The following TBCD variants were observed in gnomAD, a reference collection of about 807,000 sequenced individuals.
The protein encoded by TBCD is tubulin folding cofactor D.
Under a neutral mutation model 169.3 loss-of-function variants are expected in TBCD, and 105 were observed. The observed-to-expected ratio is 0.62, with a 90% confidence interval of 0.53 to 0.73. The LOEUF is 0.73. TBCD is among the 30% of genes least tolerant of loss of function. The pLI is 0.00. For synonymous variants in TBCD, 700 were observed against 643.9 expected (o/e 1.09, Z -1.32); for missense variants, 1,444 against 1,600.1 (o/e 0.90, Z 1.66).
At chr17:82,804,316 A>T (rs1236149677) in intron 9 of TBCD, among the ~76,000 whole-genome samples, 2 of 152,136 alleles carry the variant, frequency 1.3e-5, no homozygotes, top group Non-Finnish European at 2.9e-5. Context: ...CAGCTTAAAC[A>T]GTGCACTTTT....
chr17:82,888,845 C>T (rs2058936496), intron 15 of TBCD, among the ~76,000 whole-genome samples: 1 of 152,234 alleles, frequency 6.6e-6, no homozygotes, highest in African/African-American at 2.4e-5. Flanking sequence ...GGAGGTCGCT[C>T]CTCCAGAGCG....
chr17:82,851,749 GA>G (rs2055808511), intron 13 of TBCD, among the ~76,000 whole-genome samples: 1 of 152,236 alleles, frequency 6.6e-6, no homozygotes, highest in South Asian at 2.1e-4. Flanking sequence ...CCGACGGGCA[GA>G]AAGCAGGAGC....
In TBCD at chr17:82,893,533, C is replaced by T. The variant is rs1567975133; in HGVS notation, c.1564-14C>T. ...CAAATTCTTCTTTTTCCCCCATTTC[C>T]ACTTTCTTATTAGGGCACTTTCCCT... On this transcript the variant is annotated splice_polypyrimidine_tract_variant and intron_variant, in intron 16 of 38. Coordinates refer to ENST00000355528, the MANE Select transcript of TBCD (RefSeq NM_005993.5). 1 of 1,590,442 alleles carries T rather than the reference C, an allele frequency of 6.3e-7. No homozygotes were observed. Among genetic ancestry groups the T allele is most frequent in the Non-Finnish European group, 8.6e-7 (1 of 1,167,392 alleles).
chr17:82,845,221 G>C (rs915294386), intron 13 of TBCD, among the ~76,000 whole-genome samples: 1 of 152,204 alleles, frequency 6.6e-6, no homozygotes, highest in African/African-American at 2.4e-5. Flanking sequence ...GACATGGCCG[G>C]CTCGGCCCCT....
chr17:82,932,530 G>T, intron 33 of TBCD, 128 bp from the exon 34 acceptor site: 3 of 752,654 alleles, frequency 4.0e-6, no homozygotes, highest in Non-Finnish European at 2.3e-6. Context: ...CTGAAGCTTT[G>T]CGTTTCCACG....
chr17:82,779,103 C>T lies in TBCD; in HGVS notation c.639-2486C>T, dbSNP rs563490780. Among the ~76,000 whole-genome samples, 3 of 150,478 alleles carry T rather than the reference C, an allele frequency of 2.0e-5. No individual in the cohort carries two copies. In the South Asian group the frequency reaches 6.3e-4, roughly 32 times the overall value. On this transcript the variant is annotated intron_variant, in intron 6 of 38. Coordinates refer to ENST00000355528, the MANE Select transcript of TBCD (RefSeq NM_005993.5). The stretch of plus-strand genomic sequence containing the variant: ...CTCGGCTCACTGCAACCTCCGCCTC[C>T]TGAGTTCAAGTGATTCTCATGCCTC...
At chr17:82,793,516 G>T (rs564726421) in intron 7 of TBCD, among the ~76,000 whole-genome samples, 1 of 152,294 alleles carries the variant, frequency 6.6e-6, no homozygotes, top group African/African-American at 2.4e-5. Context: ...TTCTTTTCCT[G>T]CCCTGCTGCT....
chr17:82,842,280 CCTT>C (rs140330496), intron 13 of TBCD, among the ~76,000 whole-genome samples: 4,098 of 152,322 alleles, frequency 0.027, 202 homozygotes, highest in African/African-American at 0.092. Context: ...CCCTGGTCCT[CCTT>C]GGGAGCTGAG....
At position 82,814,845 on chromosome 17, in the gene TBCD, A is replaced by G. The variant is rs776938405; in HGVS notation, c.1229A>G (p.Gln410Arg). The G allele has an allele frequency of 6.2e-7, 1 of 1,613,836 alleles. No individual in the cohort carries two copies. The highest frequency in any genetic ancestry group is 8.5e-7 in the Non-Finnish European group (1 of 1,179,840). The stretch of plus-strand genomic sequence containing the variant: ...AGGATCTTTGTTGCTCTCAGTTTCC[A>G]GGAGACTGACAAGGCGTGGCATGGG... ...VGSVLDCFSF[Q>R]ETDKAWHGGC... is the part of the protein sequence containing the mutation. The change falls in exon 13 of 39, where the codon CAG becomes CGG. Residue 410 changes from glutamine to arginine, a missense_variant. Physicochemically the swap from Gln to Arg is conservative, Grantham distance 43 (BLOSUM62 1). Transcript: ENST00000355528.
chr17:82,898,207 C>T (rs55704803), intron 17 of TBCD, among the ~76,000 whole-genome samples: 2 of 138,246 alleles, frequency 1.4e-5, no homozygotes, highest in African/African-American at 2.8e-5. Flanking sequence ...TGGGAGCACA[C>T]GGCACGGCTC....
chr17:82,870,050 C>T (rs1189981922), intron 13 of TBCD, among the ~76,000 whole-genome samples, 174 bp from the exon 14 acceptor site: 1 of 152,188 alleles, frequency 6.6e-6, no homozygotes, highest in Non-Finnish European at 1.5e-5. Context: ...TGTTTTCTGA[C>T]CAGGCCGTGG....
chr17:82,940,966 A>G (rs1405735151), intron 37 of TBCD, among the ~76,000 whole-genome samples: 1 of 152,246 alleles, frequency 6.6e-6, no homozygotes, highest in Non-Finnish European at 1.5e-5. Flanking sequence ...GTTAAAAAAA[A>G]AAATCCTTAG....
chr17:82,938,594 G>C (rs2062831003), intron 36 of TBCD, among the ~76,000 whole-genome samples: 1 of 152,234 alleles, frequency 6.6e-6, no homozygotes, highest in Non-Finnish European at 1.5e-5. Flanking sequence ...TCTCGAAGTG[G>C]GGTGCCGGAC....
chr17:82,830,235 C>T (rs267605100), intron 13 of TBCD: 1 of 1,614,210 alleles, frequency 6.2e-7, no homozygotes, highest in Non-Finnish European at 8.5e-7. Context: ...TTCCAGCATC[C>T]CTTAGACTTG....
In TBCD at chr17:82,835,991, C is replaced by G. The variant is rs376589158; in HGVS notation, c.1318+21057C>G. ...GGGCTCAGACCCCGCGCTCAGCACC[C>G]GTCTCCCACCGTGGGCTGCCACAGA... On this transcript the variant is annotated intron_variant, in intron 13 of 38. Coordinates refer to ENST00000355528, the MANE Select transcript of TBCD (RefSeq NM_005993.5). This position sits in a 1 kb window ranked among gnomAD's most constrained non-coding sequence, Gnocchi z 4.5. 1.2e-4 allele frequency among the ~76,000 whole-genome samples: 19 copies of G among 152,320 alleles called. No homozygotes were observed. Among genetic ancestry groups the G allele is most frequent in the East Asian group, 9.7e-4 (5 of 5,178 alleles).
At chr17:82,941,774 G>T (rs947187336) in intron 38 of TBCD, 5 of 459,628 alleles carry the variant, frequency 1.1e-5, no homozygotes, top group Non-Finnish European at 1.9e-5. Flanking sequence ...TGGCCCTGGG[G>T]TCTGTTTGTG....
chr17:82,866,588 AGCAGGAGG>A (rs1458904568), intron 13 of TBCD, among the ~76,000 whole-genome samples: 11 of 152,368 alleles, frequency 7.2e-5, no homozygotes, highest in African/African-American at 2.6e-4. Flanking sequence ...GTTTCTGAGC[AGCAGGAGG>A]GCAGGAGAAA....
Position 82,889,618 on chromosome 17 carries a change from T to TGGC in TBCD, c.1534-47_1534-45dup. ...TTTGTTCTGAACTTGCCTCTGGTGT[T>TGGC]GGCGGAAGCTGACCTCGCTCACCTG... is the stretch of plus-strand genomic sequence containing the variant. On this transcript the variant is annotated intron_variant, in intron 15 of 38. Transcript: ENST00000355528. This position sits in a 1 kb window ranked among gnomAD's most constrained non-coding sequence, Gnocchi z 5.3. 6.2e-7 allele frequency: 1 copy of TGGC among 1,613,068 alleles called. No homozygotes were observed.
Position 82,831,846 on chromosome 17 carries a change from A to G in TBCD, c.1318+16912A>G, listed in dbSNP as rs373365934. 1.3e-5 allele frequency: 21 copies of G among 1,614,062 alleles called. No homozygotes were observed. In the East Asian group the frequency reaches 2.2e-4, roughly 17 times the overall value. On this transcript the variant is annotated intron_variant, in intron 13 of 38. Transcript: ENST00000355528. The surrounding 1 kb of genome is among the most constrained non-coding windows in gnomAD (Gnocchi z 4.6). ...GTGAGCCGGCTTTCCAGGGGTAGCCAGGAGTGTGGAAGGCCGACTTGGTGT... is the reference window on the plus strand; with the variant it reads ...GTGAGCCGGCTTTCCAGGGGTAGCCGGGAGTGTGGAAGGCCGACTTGGTGT...
Sources: allele counts gnomAD v4.1 joint callset (sites outside exome capture counted in the v4.1 genomes callset), GRCh38; gene constraint gnomAD v4.1.1; non-coding constraint Gnocchi (gnomAD v3.1); transcripts MANE v1.5; gene names NCBI Gene and HGNC (gene_info 2026-07-23, HGNC 2026-07-21).